Variants in VWF observed in about 807,000 individuals in gnomAD.
The protein encoded by VWF is von Willebrand factor, also known as Factor VIII related antigen.
A neutral mutation model predicts 308.6 loss-of-function variants in VWF; 176 were observed. That is an observed-to-expected ratio of 0.57 (90% CI 0.50 to 0.65). VWF has a LOEUF of 0.65. Ranked by LOEUF, VWF falls within the 30% of genes least tolerant of loss-of-function variation. VWF has a pLI of 0.00. For synonymous variants in VWF, 1,385 were observed against 1,443.4 expected (o/e 0.96, Z 0.92); for missense variants, 3,146 against 3,648.2 (o/e 0.86, Z 3.55).
intron 40 of VWF, 83 bp downstream of exon 40, chr12:5,984,962 G>C: frequency 6.9e-7 from 1 of 1,453,136 alleles, no homozygotes; most frequent in Non-Finnish European, 9.7e-7. Context: ...CCTGAGAACA[G>C]AGACACCTTT....
intron 5 of VWF, among the ~76,000 whole-genome samples, chr12:6,107,343 A>G (rs891282554): frequency 5.3e-5 from 8 of 152,312 alleles, no homozygotes; most frequent in African/African-American, 1.9e-4. Context: ...TGGTGGTTAC[A>G]TGACTCTACG....
At chr12:5,983,437 T>TA (rs1943632717) in intron 40 of VWF, among the ~76,000 whole-genome samples, 183 bp from the exon 41 acceptor site, 1 of 22,956 alleles carries the variant, frequency 4.4e-5, no homozygotes, top group Non-Finnish European at 9.8e-5. Flanking sequence ...ATAGATAGAA[T>TA]GATAACTAGA....
In VWF at chr12:6,034,831, G is replaced by A. The variant is rs373203368; in HGVS notation, c.2547-5C>T. 99 of 1,614,038 alleles carry A rather than the reference G, an allele frequency of 6.1e-5. No individual in the cohort carries two copies. The African/African-American group carries it at 1.1e-3, about 18-fold the overall frequency. On this transcript the variant is annotated splice_polypyrimidine_tract_variant and splice_region_variant and intron_variant, in intron 19 of 51. Coordinates refer to ENST00000261405, the MANE Select transcript of VWF (RefSeq NM_000552.5). Reference sequence around the variant, plus strand: ...CACTTCCGGTCCTGACAGACACTAGGAGCAGTCATGGCAGAGATGACAAGT... The same window carrying A: ...CACTTCCGGTCCTGACAGACACTAGAAGCAGTCATGGCAGAGATGACAAGT...
rs61750094 is a variant in VWF, at chr12:6,018,995, G to A, written c.4423C>T (p.Gln1475Ter). The change falls in exon 28 of 52, where the codon CAA (glutamine) becomes TAA (stop). Residue 1475 changes from glutamine to a stop codon, truncating the protein, a stop_gained. Coordinates refer to ENST00000261405, the MANE Select transcript of VWF (RefSeq NM_000552.5). LOFTEE classifies it high-confidence loss of function. The stretch of plus-strand genomic sequence containing the variant: ...AAGAGCCCCGGGCCCACAGTGACTT[G>A]TGCCATGTCGGGGGGCAGAGTAGGA... ...PPPTLPPDMA[Q>*]VTVGPGLLGV... is the part of the protein sequence containing the mutation. The A allele has an allele frequency of 6.2e-7, 1 of 1,613,932 alleles. No homozygotes were observed. The highest frequency in any genetic ancestry group is 8.5e-7 in the Non-Finnish European group (1 of 1,179,856).
chr12:6,104,648 G>A (rs984741364), intron 5 of VWF, among the ~76,000 whole-genome samples: 3 of 151,686 alleles, frequency 2.0e-5, no homozygotes, highest in Non-Finnish European at 2.9e-5. Flanking sequence ...AGTGAGCTGA[G>A]ATCAGGCCAC....
At chr12:5,999,688 AC>A in intron 34 of VWF, among the ~76,000 whole-genome samples, 1 of 152,176 alleles carries the variant, frequency 6.6e-6, no homozygotes, top group East Asian at 1.9e-4. Flanking sequence ...AAAACAAAAA[AC>A]AAAATGTTAT....
intron 31 of VWF, among the ~76,000 whole-genome samples, chr12:6,014,611 T>C (rs9634155): frequency 0.057 from 8,630 of 152,166 alleles, 730 homozygotes; most frequent in African/African-American, 0.19. Flanking sequence ...AACTGGAAGG[T>C]TGGAATTGCC....
chr12:6,107,665 TA>T (rs1307320481), intron 5 of VWF, among the ~76,000 whole-genome samples: 2 of 151,782 alleles, frequency 1.3e-5, no homozygotes, highest in African/African-American at 4.9e-5. Flanking sequence ...TATATATATA[TA>T]TATATTTTTT....
chr12:6,092,646 T>TGA (rs1945060799), intron 6 of VWF, among the ~76,000 whole-genome samples: 2 of 116,542 alleles, frequency 1.7e-5, no homozygotes, highest in African/African-American at 6.3e-5. Flanking sequence ...TGTGTGTGTG[T>TGA]GTGTGTGTGT....
chr12:5,959,207 C>CAAA (rs1163255798), intron 47 of VWF, among the ~76,000 whole-genome samples: 1 of 151,474 alleles, frequency 6.6e-6, no homozygotes, highest in East Asian at 1.9e-4. Context: ...GATCCTATCT[C>CAAA]AAAAAATAAA....
chr12:6,085,811 T>C (rs183135770), intron 6 of VWF, among the ~76,000 whole-genome samples: 2 of 152,252 alleles, frequency 1.3e-5, no homozygotes, highest in African/African-American at 4.8e-5. Flanking sequence ...GATGGGTTGA[T>C]AGGTGCAGCA....
chr12:5,965,971 G>A (rs1198819596), intron 47 of VWF, among the ~76,000 whole-genome samples: 1 of 152,232 alleles, frequency 6.6e-6, no homozygotes, highest in East Asian at 1.9e-4. Context: ...GGATTTTTGA[G>A]TATTTGGAAA....
Position 6,073,633 on chromosome 12 carries a change from C to T in VWF, c.983G>A (p.Gly328Asp). Reference sequence around the variant, plus strand: ...AAGTTCATTACCAGGGCAGCTGCAGCCATCCACGCATCGCTCCTGACACAT... The same window carrying T: ...AAGTTCATTACCAGGGCAGCTGCAGTCATCCACGCATCGCTCCTGACACAT... ...NEMCQERCVDGCSCPEGQLLD... is the reference protein window; with the variant it reads ...NEMCQERCVDDCSCPEGQLLD... Residue 328 changes from glycine (G) to aspartate (D), a missense_variant, in exon 8 of 52, where the codon GGC (glycine) becomes GAC (aspartate). This residue lies in a region of VWF where 1,304 missense variants were observed against 1,353.0 expected (regional missense o/e 0.96). Coordinates refer to ENST00000261405, the MANE Select transcript of VWF (RefSeq NM_000552.5). The T allele has an allele frequency of 6.2e-7, 1 of 1,614,090 alleles. No individual in the cohort carries two copies.
chr12:6,019,827 T>A lies in VWF; in HGVS notation c.3675-84A>T. The A allele has an allele frequency of 7.0e-7, 1 of 1,421,032 alleles. No individual in the cohort carries two copies. The highest frequency in any genetic ancestry group is 9.6e-7 in the Non-Finnish European group (1 of 1,040,804). 88.0% of individuals were successfully genotyped at this position (1,421,032 alleles called of 1,614,324 possible). ...GCCCTACAGTGTACAATGACTTCCA[T>A]ATTCCCACAGAATCTCCTCTGTTCC... On this transcript the variant is annotated intron_variant, in intron 27 of 51. Transcript: ENST00000261405. This position sits in a 1 kb window ranked among gnomAD's most constrained non-coding sequence, Gnocchi z 5.8.
chr12:6,103,540 A>G (rs1945207040), intron 5 of VWF, among the ~76,000 whole-genome samples: 2 of 106,380 alleles, frequency 1.9e-5, no homozygotes, highest in Non-Finnish European at 3.8e-5. Flanking sequence ...ATACACATAT[A>G]TGTATACACA....
In VWF at chr12:6,092,616, AGAGTGTGTGTGTGT is replaced by A. The variant is rs1359725500; in HGVS notation, c.657+2830_657+2843del. Among the ~76,000 whole-genome samples the A allele has an allele frequency of 5.2e-5, 5 of 96,670 alleles. No individual in the cohort carries two copies. The South Asian group carries it at 9.0e-4, about 17-fold the overall frequency. 63.4% of individuals were successfully genotyped at this position (96,670 alleles called of 152,430 possible). A position where few individuals can be genotyped will look rare whatever the true frequency, so the allele number is the denominator to read the frequency against. ...TGCCCAGCTAGTTAGTGAGTGAGTG[AGAGTGTGTGTGTGT>A]GTGTGTGTGTGTGTGTGTGTGTGTG... On this transcript the variant is annotated intron_variant, in intron 6 of 51. Coordinates refer to ENST00000261405, the MANE Select transcript of VWF (RefSeq NM_000552.5).
intron 34 of VWF, among the ~76,000 whole-genome samples, chr12:6,001,039 T>C (rs1006376299): frequency 6.6e-6 from 1 of 152,052 alleles, no homozygotes; most frequent in Non-Finnish European, 1.5e-5. Flanking sequence ...CAAGAAAAGT[T>C]AGAATAACCT....
intron 6 of VWF, among the ~76,000 whole-genome samples, chr12:6,076,594 T>C (rs1052748533): frequency 1.3e-5 from 2 of 152,142 alleles, no homozygotes; most frequent in African/African-American, 2.4e-5. Flanking sequence ...TGCAAGTTCA[T>C]GAAAAAACTT....
At chr12:6,040,922 T>TA (rs1944389943) in intron 18 of VWF, among the ~76,000 whole-genome samples, 1 of 151,952 alleles carries the variant, frequency 6.6e-6, no homozygotes, top group Admixed American at 6.6e-5. Flanking sequence ...AGAGGCACCT[T>TA]AGAGGAGGAG....
Sources: gnomAD v4.1 joint callset for allele counts (sites outside exome capture counted in the v4.1 genomes callset) on GRCh38, gnomAD v4.1.1 for gene constraint, gnomAD v4.1.1 regional missense constraint, Gnocchi (gnomAD v3.1) non-coding constraint, MANE v1.5 for transcripts, NCBI Gene and HGNC (gene_info 2026-07-23, HGNC 2026-07-21) for gene names.